PPP2R5E: variants seen among roughly 807,000 people sequenced by gnomAD.
The protein encoded by PPP2R5E is serine/threonine-protein phosphatase 2A 56 kDa regulatory subunit epsilon isoform.
PPP2R5E carries 4 observed loss-of-function variants against 65.3 expected under a neutral mutation model. That is an observed-to-expected ratio of 0.06 (90% CI 0.03 to 0.14). The LOEUF (loss-of-function observed/expected upper bound fraction) is 0.14. PPP2R5E is among the 10% of genes least tolerant of loss of function. PPP2R5E has a pLI of 1.00. For synonymous variants in PPP2R5E, 183 were observed against 187.4 expected, an observed-to-expected ratio of 0.98 and a Z score of 0.19; for missense variants, 274 against 556.1, an observed-to-expected ratio of 0.49 and a Z score of 5.10.
At position 63,506,464 on chromosome 14, in the gene PPP2R5E, GTAA is replaced by G. The variant is rs565460280; in HGVS notation, c.157+33062_157+33064del. On this transcript the variant is annotated intron_variant, in intron 2 of 13. Coordinates refer to ENST00000337537, the MANE Select transcript of PPP2R5E (RefSeq NM_006246.5). ...AGACTCCGTCTCAAAAAAGAAAAAA[GTAA>G]TAATAATAATAACAAAAAGATAATC... 8.3e-3 allele frequency among the ~76,000 whole-genome samples: 1,263 copies of G among 151,948 alleles called. 9 individuals carry two copies. The highest frequency in any genetic ancestry group is 0.013 in the Non-Finnish European group (867 of 67,928).
intron 3 of PPP2R5E, among the ~76,000 whole-genome samples, chr14:63,445,777 G>C (rs1366127576): frequency 2.0e-5 from 3 of 152,030 alleles, no homozygotes; most frequent in Non-Finnish European, 4.4e-5. Context: ...AGGAGGCGGA[G>C]GTTGCAGTGA....
rs781405665 is a variant in PPP2R5E at position 63,393,707 on chromosome 14, G to A, written c.849+113C>T. The A allele has an allele frequency of 2.0e-4, 139 of 681,864 alleles. 1 individual carries two copies. The highest frequency in any genetic ancestry group is 3.2e-4 in the Non-Finnish European group (130 of 408,626). 42.2% of individuals were successfully genotyped at this position (681,864 alleles called of 1,614,324 possible). A position where few individuals can be genotyped will look rare whatever the true frequency, so the allele number is the denominator to read the frequency against. ...AGCCTGGGCGGCAGAGCAAGACTCC[G>A]TCTCAAAAAACAAAAACCAAAAAAA... On this transcript the variant is annotated intron_variant, in intron 8 of 13. Transcript: ENST00000337537.
intron 12 of PPP2R5E, among the ~76,000 whole-genome samples, chr14:63,382,872 C>G (rs962769199): frequency 6.6e-6 from 1 of 152,128 alleles, no homozygotes; most frequent in East Asian, 1.9e-4. Context: ...CTAAATAACA[C>G]ATAATTCATC....
At chr14:63,540,042 T>C (rs950704591) in intron 1 of PPP2R5E, among the ~76,000 whole-genome samples, 1 of 151,414 alleles carries the variant, frequency 6.6e-6, no homozygotes, top group Non-Finnish European at 1.5e-5. Flanking sequence ...AAAGAATCGC[T>C]TGAACCTGGG....
chr14:63,379,826 CTTTTT>C (rs558475440), intron 13 of PPP2R5E, among the ~76,000 whole-genome samples: 1,407 of 100,262 alleles, frequency 0.014, 57 homozygotes, highest in African/African-American at 0.069. Flanking sequence ...TATTCTCTCT[CTTTTT>C]TTTTTTTTTT....
intron 2 of PPP2R5E, among the ~76,000 whole-genome samples, chr14:63,522,636 A>G (rs1330737149): frequency 8.9e-6 from 1 of 112,382 alleles, no homozygotes. Flanking sequence ...CCCGTCCGCG[A>G]CCCCGTCTGG....
rs184865024 is a variant in PPP2R5E at position 63,385,693 on chromosome 14, T to C, written c.1075-1122A>G. On this transcript the variant is annotated intron_variant, in intron 11 of 13. Coordinates refer to ENST00000337537, the MANE Select transcript of PPP2R5E (RefSeq NM_006246.5). ...ACCACCATCCCAGAAGGAGATACCA[T>C]TGTGCTCATTTTACAGGTGAGGACA... 2.6e-5 allele frequency among the ~76,000 whole-genome samples: 4 copies of C among 152,312 alleles called. No individual in the cohort carries two copies. In the East Asian group the frequency reaches 7.7e-4, roughly 29 times the overall value.
At chr14:63,394,026 G>A in intron 7 of PPP2R5E, 98 bp from the exon 8 acceptor site, 1 of 430,284 alleles carries the variant, frequency 2.3e-6, no homozygotes, top group African/African-American at 2.1e-5. Context: ...CAGTTTGTTT[G>A]TACAAAACAA....
At chr14:63,521,149 C>T (rs1221002823) in intron 2 of PPP2R5E, among the ~76,000 whole-genome samples, 1 of 152,148 alleles carries the variant, frequency 6.6e-6, no homozygotes, top group Admixed American at 6.6e-5. Context: ...GTATCTAAAG[C>T]ATATACCATT....
Position 63,389,884 on chromosome 14 carries a change from T to C in PPP2R5E, c.955-153A>G, listed in dbSNP as rs552868770. Among the ~76,000 whole-genome samples the C allele has an allele frequency of 2.4e-3, 367 of 152,276 alleles. 8 individuals carry two copies. Among genetic ancestry groups the C allele is most frequent in the East Asian group, 1.7e-3 (9 of 5,184 alleles). On this transcript the variant is annotated intron_variant, in intron 10 of 13. Coordinates refer to ENST00000337537, the MANE Select transcript of PPP2R5E (RefSeq NM_006246.5). ...CCAGTCATTATCCCATGTTAGAAGA[T>C]GTTCGTTCCACAAAGAATTCACCAT...
intron 11 of PPP2R5E, among the ~76,000 whole-genome samples, chr14:63,388,307 A>G (rs1366410359): frequency 1.3e-5 from 2 of 151,960 alleles, no homozygotes; most frequent in Non-Finnish European, 2.9e-5. Flanking sequence ...CGTCCAGCTA[A>G]TTTTTGTATT....
intron 13 of PPP2R5E, among the ~76,000 whole-genome samples, chr14:63,378,235 G>A (rs1229128957): frequency 6.6e-6 from 1 of 152,170 alleles, no homozygotes; most frequent in Non-Finnish European, 1.5e-5. Context: ...GTAAGCAAGG[G>A]CTTGGAATTT....
chr14:63,528,537 C>A (rs1566764498), intron 2 of PPP2R5E, among the ~76,000 whole-genome samples: 1 of 152,150 alleles, frequency 6.6e-6, no homozygotes, highest in Non-Finnish European at 1.5e-5. Flanking sequence ...TAACCTGAAA[C>A]ATGCAGAATT....
intron 3 of PPP2R5E, among the ~76,000 whole-genome samples, chr14:63,434,832 G>A (rs1053006415): frequency 6.6e-6 from 1 of 152,080 alleles, no homozygotes; most frequent in Non-Finnish European, 1.5e-5. Context: ...TTGTCAACAA[G>A]TCATTTTATT....
At chr14:63,430,373 G>GCATACATACATACATGCATACATA (rs1402372223) in intron 3 of PPP2R5E, among the ~76,000 whole-genome samples, 2 of 126,642 alleles carry the variant, frequency 1.6e-5, no homozygotes, top group African/African-American at 6.4e-5. Flanking sequence ...ATACATACAT[G>GCATACATACATACATGCATACATA]CATGCATACA....
chr14:63,418,841 C>CTTTTTTTTT (rs772740856), intron 4 of PPP2R5E, among the ~76,000 whole-genome samples: 16 of 105,078 alleles, frequency 1.5e-4, no homozygotes, highest in African/African-American at 2.0e-4. Context: ...AATTTTTTTA[C>CTTTTTTTTT]TTTTTTTTTT....
intron 2 of PPP2R5E, among the ~76,000 whole-genome samples, chr14:63,505,176 A>G (rs1892098516): frequency 6.6e-6 from 1 of 152,144 alleles, no homozygotes; most frequent in Admixed American, 6.6e-5. Context: ...CTCTACTAAA[A>G]ATACAAAAAT....
chr14:63,486,830 C>T (rs1407368820), intron 2 of PPP2R5E, among the ~76,000 whole-genome samples: 2 of 152,166 alleles, frequency 1.3e-5, no homozygotes, highest in Non-Finnish European at 2.9e-5. Flanking sequence ...TCAAATGACA[C>T]TTCTTTCATG....
chr14:63,389,714 T>C lies in PPP2R5E; in HGVS notation c.972A>G (p.Glu324=), dbSNP rs1884897407. 1 of 1,608,960 alleles carries C rather than the reference T, an allele frequency of 6.2e-7. No homozygotes were observed. ...CAATCACATCCAATATTTCTTCCAG[T>C]TCCCCAAGGAACATGACCTGTAAGT... ...CSQKEVMFLG[E]LEEILDVIEP... Residue 324 remains glutamate, a synonymous_variant, in exon 11 of 14, where the codon GAA becomes GAG. Coordinates refer to ENST00000337537, the MANE Select transcript of PPP2R5E (RefSeq NM_006246.5).
Sources: gnomAD v4.1 joint callset for allele counts (sites outside exome capture counted in the v4.1 genomes callset) on GRCh38, gnomAD v4.1.1 for gene constraint, MANE v1.5 for transcripts, NCBI Gene and HGNC (gene_info 2026-07-23, HGNC 2026-07-21) for gene names.